PSMF1: variants seen among roughly 807,000 people sequenced by gnomAD.
The protein encoded by PSMF1 is proteasome inhibitor PI31 subunit.
A neutral mutation model predicts 29.3 loss-of-function variants in PSMF1; 30 were observed. The ratio of observed to expected loss-of-function variants is 1.02; its 90% CI spans 0.77 to 1.39. The LOEUF is 1.39. Among genes scored for constraint, PSMF1 ranks in the 40% most tolerant of loss-of-function variants. PSMF1 has a pLI of 0.00. For missense variants in PSMF1, 344 were observed against 357.5 expected (o/e 0.96, Z 0.31); for synonymous variants, 134 against 139.7 (o/e 0.96, Z 0.29).
At chr20:1,113,841 G>A (rs1251098743), upstream of PSMF1, among the ~76,000 whole-genome samples, 2 of 152,010 alleles carry the variant, frequency 1.3e-5, no homozygotes, top group Non-Finnish European at 2.9e-5. Context: ...ACAGGTGCCC[G>A]CCACCACGCC....
rs2086784301 is a variant in PSMF1 at position 1,170,978 on chromosome 20, C to T, written c.*5898C>T. 6.6e-6 allele frequency among the ~76,000 whole-genome samples: 1 copy of T among 152,088 alleles called. No homozygotes were observed. On this transcript the variant is annotated 3_prime_UTR_variant, in exon 7 of 7. Transcript: ENST00000335877. ...GCACCTACCCCCTGGGGTGGCAGAA[C>T]CGTGATTGGAACCCAGGTCAGTGCT...
chr20:1,144,545 G>GAAT (rs2086424916), intron 4 of PSMF1, among the ~76,000 whole-genome samples: 1 of 152,212 alleles, frequency 6.6e-6, no homozygotes, highest in Admixed American at 6.5e-5. Context: ...CTCCAGTGAT[G>GAAT]AATAGTTAAA....
At chr20:1,148,793 AC>A (rs1374475226) in intron 4 of PSMF1, among the ~76,000 whole-genome samples, 1 of 152,086 alleles carries the variant, frequency 6.6e-6, no homozygotes, top group African/African-American at 2.4e-5. Flanking sequence ...TATATTACTT[AC>A]ACTGGAGGAC....
At chr20:1,151,568 A>G (rs6040163) in intron 4 of PSMF1, among the ~76,000 whole-genome samples, 1 of 152,326 alleles carries the variant, frequency 6.6e-6, no homozygotes, top group African/African-American at 2.4e-5. Context: ...CTTATGCCCA[A>G]ATCAATCTAA....
At chr20:1,115,447 G>C (rs966198867), upstream of PSMF1, among the ~76,000 whole-genome samples, 4 of 152,202 alleles carry the variant, frequency 2.6e-5, no homozygotes, top group African/African-American at 7.2e-5. Context: ...CAGACCAAAG[G>C]CCAGTCCACT....
chr20:1,120,716 C>G (rs1005600542), intron 1 of PSMF1, among the ~76,000 whole-genome samples: 1 of 152,114 alleles, frequency 6.6e-6, no homozygotes, highest in Non-Finnish European at 1.5e-5. Flanking sequence ...GACCTGGGAT[C>G]TCCTCCATTG....
chr20:1,117,056 G>A (rs2086018174), upstream of PSMF1, among the ~76,000 whole-genome samples: 1 of 152,222 alleles, frequency 6.6e-6, no homozygotes, highest in Admixed American at 6.5e-5. Flanking sequence ...TGAAGGTGAT[G>A]GGAAGTGGTC....
At chr20:1,116,723 A>G (rs1234097599), upstream of PSMF1, among the ~76,000 whole-genome samples, 1 of 152,230 alleles carries the variant, frequency 6.6e-6, no homozygotes, top group Non-Finnish European at 1.5e-5. Flanking sequence ...GTCATTAAAT[A>G]AGCAAAGAAA....
intron 4 of PSMF1, among the ~76,000 whole-genome samples, chr20:1,158,804 G>T (rs2086627719): frequency 6.6e-6 from 1 of 152,158 alleles, no homozygotes; most frequent in African/African-American, 2.4e-5. Context: ...AATACCTGGA[G>T]CCTCATTTAG....
chr20:1,131,130 G>A (rs1413376373), intron 3 of PSMF1, among the ~76,000 whole-genome samples: 1 of 152,264 alleles, frequency 6.6e-6, no homozygotes. Flanking sequence ...CTCTTAGTGG[G>A]TAAGGGAGGG....
rs1372481760 is a variant in PSMF1 at position 1,167,211 on chromosome 20, C to T, written c.*2131C>T. On this transcript the variant is annotated 3_prime_UTR_variant, in exon 7 of 7. Coordinates refer to ENST00000335877, the MANE Select transcript of PSMF1 (RefSeq NM_006814.5). ...TGCTTATTTTGATCTGGGCCACTTC[C>T]CTCCTTCCAGTCATGAGTAATCATC... The T allele has an allele frequency of 1.3e-5, 2 of 152,118 alleles. No homozygotes were observed. The highest frequency in any genetic ancestry group is 1.3e-4 in the Admixed American group (2 of 15,272). 9.4% of individuals were successfully genotyped at this position (152,118 alleles called of 1,614,324 possible). A position where few individuals can be genotyped will look rare whatever the true frequency, so the allele number is the denominator to read the frequency against.
Position 1,121,128 on chromosome 20 carries a change from G to GT in PSMF1, c.129+2240dup, listed in dbSNP as rs11478083. 6.1e-3 allele frequency among the ~76,000 whole-genome samples: 910 copies of GT among 149,628 alleles called. 7 individuals carry two copies. Among genetic ancestry groups the GT allele is most frequent in the African/African-American group, 0.02 (829 of 40,810 alleles). On this transcript the variant is annotated intron_variant, in intron 1 of 6. Transcript: ENST00000335877. ...GAAAGAATACAATCTCATTTTAATAGTTTTTTTTTTTTTTAAAAAGGTCCT... is the reference window on the plus strand; with the variant it reads ...GAAAGAATACAATCTCATTTTAATAGTTTTTTTTTTTTTTTAAAAAGGTCCT...
intron 4 of PSMF1, among the ~76,000 whole-genome samples, chr20:1,144,899 CTT>C (rs372193972): frequency 6.6e-6 from 1 of 151,396 alleles, no homozygotes; most frequent in Non-Finnish European, 1.5e-5. Flanking sequence ...CCCCGTGAAT[CTT>C]TTTTTTTCTT....
At chr20:1,160,937 T>TG (rs1464479492) in intron 4 of PSMF1, 2 of 447,496 alleles carry the variant, frequency 4.5e-6, no homozygotes, top group East Asian at 1.1e-4. Flanking sequence ...AGAAAGAAGA[T>TG]GGCTCAGATC....
chr20:1,127,103 C>T (rs2086167320), intron 2 of PSMF1, among the ~76,000 whole-genome samples: 1 of 152,146 alleles, frequency 6.6e-6, no homozygotes, highest in Admixed American at 6.5e-5. Context: ...ATGTCTGCCC[C>T]TTGCTGGGTC....
rs544619471 is a variant in PSMF1 at position 1,159,431 on chromosome 20, C to T, written c.552-3699C>T. Among the ~76,000 whole-genome samples, 24 of 152,160 alleles carry T rather than the reference C, an allele frequency of 1.6e-4. No homozygotes were observed. The East Asian group carries it at 1.9e-3, about 12-fold the overall frequency. ...CCACCTCAGGCCTCCCAAAGTGCTG[C>T]GATTACAGGCATGAGCCACCGTGCC... is the stretch of plus-strand genomic sequence containing the variant. On this transcript the variant is annotated intron_variant, in intron 4 of 6. Transcript: ENST00000335877.
Position 1,161,006 on chromosome 20 carries a change from G to T in PSMF1, c.552-2124G>T, listed in dbSNP as rs569489387. ...GTGGCAGTCCAGGCCATACTTCTAT[G>T]CCTCTGGGCGCACCACTGGCATTGT... On this transcript the variant is annotated intron_variant, in intron 4 of 6. Transcript: ENST00000335877. 8.8e-5 allele frequency: 34 copies of T among 385,204 alleles called. No individual in the cohort carries two copies. The South Asian group carries it at 1.1e-3, about 12-fold the overall frequency. The allele number at this position is 385,204 out of a possible 1,614,324, so 23.9% of individuals were successfully genotyped here. A position where few individuals can be genotyped will look rare whatever the true frequency, so the allele number is the denominator to read the frequency against.
chr20:1,138,838 A>C (rs1404286822), intron 4 of PSMF1, among the ~76,000 whole-genome samples: 3 of 150,726 alleles, frequency 2.0e-5, no homozygotes, highest in Non-Finnish European at 3.0e-5. Context: ...AACAAACAAA[A>C]AAAAACAAAA....
rs6032978 is a variant in PSMF1, at chr20:1,159,072, G to A, written c.552-4058G>A. The stretch of plus-strand genomic sequence containing the variant: ...CTCCGTCTCACAAAAAAAAAAAAAA[G>A]AAGAAGTAAATGGGTTCTAAGTGTG... On this transcript the variant is annotated intron_variant, in intron 4 of 6. Coordinates refer to ENST00000335877, the MANE Select transcript of PSMF1 (RefSeq NM_006814.5). Among the ~76,000 whole-genome samples the A allele has an allele frequency of 8.7e-4, 128 of 147,010 alleles. 4 individuals carry two copies. Among genetic ancestry groups the A allele is most frequent in the Non-Finnish European group, 1.1e-3 (74 of 67,206 alleles).
Sources: gnomAD v4.1 joint callset for allele counts (sites outside exome capture counted in the v4.1 genomes callset) on GRCh38, gnomAD v4.1.1 for gene constraint, MANE v1.5 for transcripts, NCBI Gene and HGNC (gene_info 2026-07-23, HGNC 2026-07-21) for gene names.